SYT9: variants seen among roughly 807,000 people sequenced by gnomAD.
SYT9 encodes the protein synaptotagmin 9, also known as synaptotagmin-9.
A neutral mutation model predicts 48.4 loss-of-function variants in SYT9; 22 were observed. The ratio of observed to expected loss-of-function variants is 0.45; its 90% CI spans 0.32 to 0.65. The LOEUF (loss-of-function observed/expected upper bound fraction) is 0.65. Among genes scored for constraint, SYT9 ranks in the 30% least tolerant of loss-of-function variants. The pLI is 0.03. For synonymous variants in SYT9, 265 were observed against 245.0 expected (o/e 1.08, Z -0.76); for missense variants, 577 against 622.0 (o/e 0.93, Z 0.77).
At chr11:7,302,841 C>T (rs1174736176) in intron 1 of SYT9, among the ~76,000 whole-genome samples, 198 bp from the exon 2 acceptor site, 1 of 152,194 alleles carries the variant, frequency 6.6e-6, no homozygotes, top group Non-Finnish European at 1.5e-5. Flanking sequence ...TGTTTCTGCT[C>T]ACTGGTCCTC....
intron 3 of SYT9, among the ~76,000 whole-genome samples, chr11:7,413,168 T>C (rs995461823): frequency 5.3e-5 from 8 of 152,064 alleles, no homozygotes; most frequent in Admixed American, 2.6e-4. Context: ...CATAGGTAGG[T>C]AGTTGTGCAG....
At chr11:7,256,746 G>A (rs2119785508) in intron 1 of SYT9, among the ~76,000 whole-genome samples, 1 of 152,158 alleles carries the variant, frequency 6.6e-6, no homozygotes, top group East Asian at 1.9e-4. Flanking sequence ...CCAGGATACT[G>A]GTTTTCCATT....
intron 1 of SYT9, among the ~76,000 whole-genome samples, chr11:7,279,398 A>G (rs1258824719): frequency 6.6e-6 from 1 of 152,140 alleles, no homozygotes; most frequent in African/African-American, 2.4e-5. Flanking sequence ...AAAGAATAGG[A>G]GGGGTGAAGC....
At chr11:7,332,547 T>C (rs1589951781) in intron 3 of SYT9, among the ~76,000 whole-genome samples, 1 of 152,004 alleles carries the variant, frequency 6.6e-6, no homozygotes, top group African/African-American at 2.4e-5. Flanking sequence ...CTCTGAGATA[T>C]AGGAAAAGGA....
intron 1 of SYT9, among the ~76,000 whole-genome samples, chr11:7,296,893 C>G (rs568395693): frequency 3.6e-4 from 55 of 152,278 alleles, no homozygotes; most frequent in Non-Finnish European, 6.8e-4. Context: ...CCTGTTTCCA[C>G]TCTCTAATTA....
At chr11:7,387,127 A>G (rs1255815455) in intron 3 of SYT9, among the ~76,000 whole-genome samples, 4 of 152,174 alleles carry the variant, frequency 2.6e-5, no homozygotes, top group Non-Finnish European at 5.9e-5. Context: ...GAAGGGGAAC[A>G]TCACACACCA....
intron 3 of SYT9, 144 bp from the exon 4 acceptor site, chr11:7,415,898 T>A: frequency 9.9e-7 from 1 of 1,009,666 alleles, no homozygotes; most frequent in Non-Finnish European, 1.5e-6. Flanking sequence ...TCCCTGTGAC[T>A]GACATGAACG....
chr11:7,270,832 G>GACACACACACACACACACAC (rs56891844), intron 1 of SYT9, among the ~76,000 whole-genome samples: 9 of 147,176 alleles, frequency 6.1e-5, no homozygotes, highest in Non-Finnish European at 7.5e-5. Flanking sequence ...ACAAGACACA[G>GACACACACACACACACACAC]ACACACACAC....
At chr11:7,408,010 G>A (rs1415816557) in intron 3 of SYT9, among the ~76,000 whole-genome samples, 1 of 152,122 alleles carries the variant, frequency 6.6e-6, no homozygotes, top group Non-Finnish European at 1.5e-5. Context: ...GGCTATTCAG[G>A]CTCTCTTTTG....
intron 1 of SYT9, among the ~76,000 whole-genome samples, chr11:7,267,882 G>A (rs1403135211): frequency 6.6e-6 from 1 of 151,728 alleles, no homozygotes; most frequent in African/African-American, 2.4e-5. Flanking sequence ...CAAATATAAA[G>A]CAAAAAGAAT....
intron 6 of SYT9, among the ~76,000 whole-genome samples, chr11:7,422,064 C>G (rs1010164853): frequency 2.6e-5 from 4 of 152,152 alleles, no homozygotes; most frequent in African/African-American, 7.2e-5. Context: ...TCTCCTGGTG[C>G]AGGAAGCTCT....
chr11:7,341,206 G>A (rs1232255567), intron 3 of SYT9, among the ~76,000 whole-genome samples: 1 of 152,166 alleles, frequency 6.6e-6, no homozygotes, highest in Admixed American at 6.5e-5. Context: ...CTGGAGGACT[G>A]CTCCAGTCTC....
chr11:7,353,217 G>C, intron 3 of SYT9, among the ~76,000 whole-genome samples: 1 of 152,204 alleles, frequency 6.6e-6, no homozygotes, highest in Non-Finnish European at 1.5e-5. Flanking sequence ...CATTGCAAGA[G>C]GAACGGGGTT....
intron 6 of SYT9, among the ~76,000 whole-genome samples, chr11:7,422,993 G>T (rs559790438): frequency 1.3e-5 from 2 of 152,324 alleles, no homozygotes; most frequent in South Asian, 2.1e-4. Context: ...TGCCATTAGG[G>T]TTAAACCACT....
intron 3 of SYT9, among the ~76,000 whole-genome samples, chr11:7,371,399 A>G (rs1256104043): frequency 6.6e-6 from 1 of 152,042 alleles, no homozygotes; most frequent in Non-Finnish European, 1.5e-5. Flanking sequence ...AACTTTAAAA[A>G]TCTAGATTCA....
At chr11:7,301,377 G>A (rs1264819197) in intron 1 of SYT9, among the ~76,000 whole-genome samples, 2 of 152,170 alleles carry the variant, frequency 1.3e-5, no homozygotes, top group African/African-American at 4.8e-5. Flanking sequence ...GAATGACCAA[G>A]TACCTTCAGA....
intron 6 of SYT9, among the ~76,000 whole-genome samples, chr11:7,464,382 G>A (rs1422534381): frequency 6.6e-6 from 1 of 152,178 alleles, no homozygotes; most frequent in Non-Finnish European, 1.5e-5. Context: ...ATGTAGACTG[G>A]ACCTACAGAG....
At chr11:7,242,070 A>G (rs1847746225) in intron 1 of SYT9, among the ~76,000 whole-genome samples, 1 of 152,264 alleles carries the variant, frequency 6.6e-6, no homozygotes, top group African/African-American at 2.4e-5. Context: ...AAACACATAA[A>G]GCACAGCACA....
intron 3 of SYT9, among the ~76,000 whole-genome samples, chr11:7,392,185 C>T (rs1846636581): frequency 6.6e-6 from 1 of 152,086 alleles, no homozygotes. Flanking sequence ...TTTGCTTAGG[C>T]TGATATCCAC....
Sources: allele counts gnomAD v4.1 joint callset (sites outside exome capture counted in the v4.1 genomes callset), GRCh38; gene constraint gnomAD v4.1.1; transcripts MANE v1.5; gene names NCBI Gene and HGNC (gene_info 2026-07-23, HGNC 2026-07-21).